Variants in FAM124B observed in about 807,000 individuals in gnomAD.
The protein encoded by FAM124B is family with sequence similarity 124 member B.
In FAM124B, 18 loss-of-function variants were observed where a neutral mutation model predicts 19.7. The ratio of observed to expected loss-of-function variants is 0.92; its 90% confidence interval spans 0.63 to 1.36. The LOEUF is 1.36. Ranked by LOEUF, FAM124B falls within the 40% of genes most tolerant of loss-of-function variation. The probability of loss-of-function intolerance (pLI) is 0.00; values close to 1 mark genes in which losing one functional copy is unlikely to be tolerated. For missense variants in FAM124B, 540 were observed against 553.3 expected (o/e 0.98, Z 0.24); for synonymous variants, 223 against 225.2 (o/e 0.99, Z 0.09).
chr2:224,398,309 GCTGGTCTCAAGCTC>G (rs1176477915), intron 1 of FAM124B, among the ~76,000 whole-genome samples: 2 of 152,182 alleles, frequency 1.3e-5, no homozygotes, highest in African/African-American at 4.8e-5. Flanking sequence ...TGTTGGCCAG[GCTGGTCTCAAGCTC>G]CTGGCCTCAA....
intron 1 of FAM124B, 141 bp downstream of exon 1, chr2:224,400,896 G>T: frequency 8.9e-7 from 1 of 1,118,420 alleles, no homozygotes; most frequent in Non-Finnish European, 1.2e-6. Context: ...GGATCAAACT[G>T]CCCTGGGGTG....
chr2:224,398,028 C>G (rs111806360), intron 1 of FAM124B, among the ~76,000 whole-genome samples: 25,688 of 152,124 alleles, frequency 0.17, 2,390 homozygotes, highest in African/African-American at 0.21. Context: ...TCCCAAGCCA[C>G]GTGGAACTGT....
At chr2:224,383,246 A>T (rs1018316924) in intron 1 of FAM124B, among the ~76,000 whole-genome samples, 1 of 152,176 alleles carries the variant, frequency 6.6e-6, no homozygotes, top group African/African-American at 2.4e-5. Flanking sequence ...TCTAATGTGC[A>T]GCGAAGTTTC....
intron 1 of FAM124B, among the ~76,000 whole-genome samples, chr2:224,381,288 C>T (rs972593815): frequency 3.3e-5 from 5 of 152,040 alleles, no homozygotes; most frequent in Non-Finnish European, 7.4e-5. Flanking sequence ...AAGACCCCAT[C>T]TTTACAAAAA....
In FAM124B at chr2:224,401,916, A is replaced by C. The variant is rs1318092373; in HGVS notation, c.-148T>G. The C allele has an allele frequency of 1.6e-5, 15 of 930,976 alleles. No homozygotes were observed. The East Asian group carries it at 4.0e-4, about 25-fold the overall frequency. The allele number at this position is 930,976 out of a possible 1,614,324, so 57.7% of individuals were successfully genotyped here. A position where few individuals can be genotyped will look rare whatever the true frequency, so the allele number is the denominator to read the frequency against. On this transcript the variant is annotated 5_prime_UTR_variant, in exon 1 of 2. Coordinates refer to ENST00000409685, the MANE Select transcript of FAM124B (RefSeq NM_001122779.2). ...ACTTCTGAGCAGAGCTCTTAACCAG[A>C]CTAACACGTGCTCCTGGCCACCCGT... is the stretch of plus-strand genomic sequence containing the variant.
intron 1 of FAM124B, chr2:224,400,579 G>A (rs973531778): frequency 1.2e-5 from 8 of 657,136 alleles, no homozygotes; most frequent in Non-Finnish European, 2.2e-5. Flanking sequence ...CCTTAAGTCA[G>A]ATTAGAAGAG....
At chr2:224,381,826 T>C (rs900819138) in intron 1 of FAM124B, among the ~76,000 whole-genome samples, 1 of 152,196 alleles carries the variant, frequency 6.6e-6, no homozygotes, top group Non-Finnish European at 1.5e-5. Context: ...TTAATTCTGC[T>C]GTGAACCTAC....
At chr2:224,394,068 C>T (rs562467977) in intron 1 of FAM124B, among the ~76,000 whole-genome samples, 4 of 152,258 alleles carry the variant, frequency 2.6e-5, no homozygotes, top group East Asian at 3.9e-4. Flanking sequence ...AGCCACCAAG[C>T]GACATTGACT....
chr2:224,396,967 A>G (rs1364466049), intron 1 of FAM124B, among the ~76,000 whole-genome samples: 4 of 152,218 alleles, frequency 2.6e-5, no homozygotes, highest in Admixed American at 6.5e-5. Flanking sequence ...ACTCACTTAC[A>G]GAAGCCAGAC....
intron 1 of FAM124B, among the ~76,000 whole-genome samples, chr2:224,392,580 C>T (rs1401424386): frequency 6.6e-6 from 1 of 152,042 alleles, no homozygotes; most frequent in Non-Finnish European, 1.5e-5. Context: ...CATGGCAAAA[C>T]CCGGTCTCTA....
chr2:224,382,638 A>G (rs1031033781), intron 1 of FAM124B, among the ~76,000 whole-genome samples: 4 of 152,072 alleles, frequency 2.6e-5, no homozygotes, highest in African/African-American at 9.7e-5. Flanking sequence ...CAAACTCCCA[A>G]CCTAAGGTGA....
In FAM124B at chr2:224,379,765, T is replaced by C. The variant is rs779962746; in HGVS notation, c.1176A>G (p.Pro392=). Reference sequence around the variant, plus strand: ...CCAAGGAAGAGGCTGGCAAGCAGAATGGTGGCTGGCTGGTCTGTAAATCCC... The same window carrying C: ...CCAAGGAAGAGGCTGGCAAGCAGAACGGTGGCTGGCTGGTCTGTAAATCCC... The part of the protein sequence containing the change: ...FPRDLQTSQP[P]FCLPASSLGV... The change falls in exon 2 of 2, where the codon CCA becomes CCG. Residue 392 remains proline, a synonymous_variant. Transcript: ENST00000409685. 4 of 1,551,678 alleles carry C rather than the reference T, an allele frequency of 2.6e-6. No homozygotes were observed. Among genetic ancestry groups the C allele is most frequent in the Non-Finnish European group, 3.5e-6 (4 of 1,146,988 alleles).
rs7604287 is a variant in FAM124B, at chr2:224,380,444, T to C, written c.733-236A>G. 0.14 allele frequency among the ~76,000 whole-genome samples: 21,233 copies of C among 152,192 alleles called. 1,568 individuals are homozygous for C. The highest frequency in any genetic ancestry group is 0.24 in the East Asian group (1,253 of 5,178). ...ATTAAGTTTTTGACAAGGGTAAGAC[T>C]TTGGGAATCAAATGGCCAATTGACA... On this transcript the variant is annotated intron_variant, in intron 1 of 1. Coordinates refer to ENST00000409685, the MANE Select transcript of FAM124B (RefSeq NM_001122779.2).
intron 1 of FAM124B, among the ~76,000 whole-genome samples, chr2:224,392,108 T>C (rs961858325): frequency 4.6e-5 from 7 of 152,156 alleles, no homozygotes; most frequent in Non-Finnish European, 7.3e-5. Context: ...TAAATATCTT[T>C]TGATTGTTTC....
In FAM124B at chr2:224,379,576, T is replaced by C. The variant is rs1689677968; in HGVS notation, c.1365A>G (p.Ile455Met). ...AGAAAACCACATTTATTTTATGCTATATAAAGAATTCTTCTTCATCTTCTT... is the reference window on the plus strand; with the variant it reads ...AGAAAACCACATTTATTTTATGCTACATAAAGAATTCTTCTTCATCTTCTT... The part of the protein sequence containing the change: ...EKEEDEEEFF[I>M] The change falls in exon 2 of 2, where the codon ATA becomes ATG. Residue 455 changes from isoleucine to methionine, a missense_variant. Coordinates refer to ENST00000409685, the MANE Select transcript of FAM124B (RefSeq NM_001122779.2). The C allele has an allele frequency of 1.3e-6, 2 of 1,534,436 alleles. No homozygotes were observed. The highest frequency in any genetic ancestry group is 2.1e-5 in the Admixed American group (1 of 48,084).
intron 1 of FAM124B, among the ~76,000 whole-genome samples, chr2:224,394,787 G>A (rs1267043983): frequency 1.3e-5 from 2 of 152,104 alleles, no homozygotes; most frequent in Non-Finnish European, 2.9e-5. Context: ...CTTCCTCCAT[G>A]TTACTTGACA....
intron 1 of FAM124B, among the ~76,000 whole-genome samples, chr2:224,393,149 C>T (rs1348676562): frequency 6.6e-6 from 1 of 152,202 alleles, no homozygotes; most frequent in Non-Finnish European, 1.5e-5. Flanking sequence ...TTCAAAATCA[C>T]ATGACTTTCT....
intron 1 of FAM124B, among the ~76,000 whole-genome samples, chr2:224,382,732 C>A (rs1689742261): frequency 1.3e-5 from 2 of 152,038 alleles, no homozygotes; most frequent in South Asian, 4.1e-4. Flanking sequence ...CAAACAATTT[C>A]TTACCTGGAA....
Position 224,401,890 on chromosome 2 carries a change from T to A in FAM124B, c.-122A>T. On this transcript the variant is annotated 5_prime_UTR_variant, in exon 1 of 2. Transcript: ENST00000409685. ...CCTGAAAACCTTCAGCTGCAGCGGC[T>A]ACTTCTGAGCAGAGCTCTTAACCAG... 1 of 1,198,416 alleles carries A rather than the reference T, an allele frequency of 8.3e-7. No individual in the cohort carries two copies. The highest frequency in any genetic ancestry group is 1.2e-6 in the Non-Finnish European group (1 of 862,686). 74.2% of individuals were successfully genotyped at this position (1,198,416 alleles called of 1,614,324 possible).
Sources: gnomAD v4.1 joint callset for allele counts (sites outside exome capture counted in the v4.1 genomes callset) on GRCh38, gnomAD v4.1.1 for gene constraint, MANE v1.5 for transcripts, NCBI Gene and HGNC (gene_info 2026-07-23, HGNC 2026-07-21) for gene names.